Variants in ARHGAP31 observed in about 807,000 individuals in gnomAD.
ARHGAP31 encodes rho GTPase-activating protein 31.
ARHGAP31 carries 34 observed loss-of-function variants against 113.9 expected under a neutral mutation model. That is an observed-to-expected ratio of 0.30 (90% CI 0.23 to 0.40). The LOEUF is 0.40. Ranked by LOEUF, ARHGAP31 falls within the 10% of genes least tolerant of loss-of-function variation. The probability of loss-of-function intolerance (pLI) is 1.00; values close to 1 mark genes in which losing one functional copy is unlikely to be tolerated. For missense variants in ARHGAP31, 1,548 were observed against 1,767.1 expected (o/e 0.88, Z 2.22); for synonymous variants, 650 against 684.8 (o/e 0.95, Z 0.79).
chr3:119,356,513 C>T (rs1559977949), intron 1 of ARHGAP31, among the ~76,000 whole-genome samples: 1 of 152,072 alleles, frequency 6.6e-6, no homozygotes, highest in East Asian at 1.9e-4. Context: ...CACCTGTAAT[C>T]CCAGCTACTC....
intron 1 of ARHGAP31, among the ~76,000 whole-genome samples, chr3:119,325,956 T>A (rs1243976953): frequency 6.6e-6 from 1 of 152,166 alleles, no homozygotes; most frequent in Non-Finnish European, 1.5e-5. Context: ...TTTGGGAGGC[T>A]GAGGCGGGTG....
At chr3:119,390,752 C>A in intron 6 of ARHGAP31, 33 bp from the exon 7 acceptor site, 1 of 1,605,422 alleles carries the variant, frequency 6.2e-7, no homozygotes, top group African/African-American at 1.3e-5. Flanking sequence ...GGCAGGCCTC[C>A]TCCAACACTG....
chr3:119,343,764 G>C (rs370784140), intron 1 of ARHGAP31, among the ~76,000 whole-genome samples: 1 of 152,222 alleles, frequency 6.6e-6, no homozygotes, highest in Non-Finnish European at 1.5e-5. Context: ...GAGGCCAGGT[G>C]AGAAAACAGC....
intron 1 of ARHGAP31, among the ~76,000 whole-genome samples, chr3:119,353,374 A>G (rs2080128000): frequency 6.6e-6 from 1 of 152,218 alleles, no homozygotes; most frequent in Non-Finnish European, 1.5e-5. Flanking sequence ...CCCTTAGCAT[A>G]TTTTGTTTGA....
In ARHGAP31 at chr3:119,415,689, T is replaced by A; in HGVS notation, c.3760T>A (p.Ser1254Thr). 3.1e-6 allele frequency: 5 copies of A among 1,613,872 alleles called. No individual in the cohort carries two copies. The highest frequency in any genetic ancestry group is 3.4e-6 in the Non-Finnish European group (4 of 1,179,964). ...ACCTGCCAAAGATGATTCTCCCTCCTCCCTGGAAAGCTCAAAGGAAGAAAA... is the reference window on the plus strand; with the variant it reads ...ACCTGCCAAAGATGATTCTCCCTCCACCCTGGAAAGCTCAAAGGAAGAAAA... ...QKPAKDDSPS[S>T]LESSKEEKPK... Residue 1254 changes from serine to threonine, a missense_variant, in exon 12 of 12, where the codon TCC becomes ACC. Physicochemically the swap from Ser to Thr is moderately conservative, Grantham distance 58 (BLOSUM62 1). Coordinates refer to ENST00000264245, the MANE Select transcript of ARHGAP31 (RefSeq NM_020754.4).
At chr3:119,355,878 T>C (rs1489206040) in intron 1 of ARHGAP31, among the ~76,000 whole-genome samples, 1 of 152,176 alleles carries the variant, frequency 6.6e-6, no homozygotes, top group African/African-American at 2.4e-5. Flanking sequence ...CTTAATCCAG[T>C]CTATCACTGA....
At position 119,414,779 on chromosome 3, in the gene ARHGAP31, C is replaced by T. The variant is rs2080757189; in HGVS notation, c.2850C>T (p.Arg950=). 3 of 1,614,228 alleles carry T rather than the reference C, an allele frequency of 1.9e-6. No homozygotes were observed. The highest frequency in any genetic ancestry group is 4.5e-5 in the East Asian group (2 of 44,886). ...EKRLSHRPSL[R]QSHSLDSKPT... The stretch of plus-strand genomic sequence containing the variant: ...GGCTTTCCCACAGGCCCAGCCTTCG[C>T]CAGAGCCATTCTCTAGATAGCAAAC... The change falls in exon 12 of 12, where the codon CGC becomes CGT. Residue 950 remains arginine (R), a synonymous_variant. Transcript: ENST00000264245.
At chr3:119,358,752 A>AT (rs947203534) in intron 1 of ARHGAP31, among the ~76,000 whole-genome samples, 42 of 152,338 alleles carry the variant, frequency 2.8e-4, no homozygotes, top group African/African-American at 1.0e-3. Flanking sequence ...AAGGCCACAT[A>AT]TTTTAAGATC....
At position 119,414,074 on chromosome 3, in the gene ARHGAP31, G is replaced by A. The variant is rs2107646698; in HGVS notation, c.2145G>A (p.Leu715=). 1 of 1,614,154 alleles carries A rather than the reference G, an allele frequency of 6.2e-7. No individual in the cohort carries two copies. The highest frequency in any genetic ancestry group is 1.3e-5 in the African/African-American group (1 of 75,032). Residue 715 remains leucine (L), a synonymous_variant, in exon 12 of 12, where the codon CTG becomes CTA. Coordinates refer to ENST00000264245, the MANE Select transcript of ARHGAP31 (RefSeq NM_020754.4). ...GSFPAPVSTP[L]EVWTRDPANQ... ...TCCCTGCTCCAGTCTCCACCCCTCT[G>A]GAGGTGTGGACTAGGGATCCAGCCA...
intron 11 of ARHGAP31, among the ~76,000 whole-genome samples, chr3:119,413,303 C>T (rs1390936354): frequency 3.6e-5 from 5 of 138,130 alleles, no homozygotes; most frequent in Admixed American, 7.8e-5. Flanking sequence ...GATGATAACG[C>T]GAGACTCTGT....
rs578029332 is a variant in ARHGAP31, at chr3:119,413,173, C to A, written c.1927-683C>A. On this transcript the variant is annotated intron_variant, in intron 11 of 11. Coordinates refer to ENST00000264245, the MANE Select transcript of ARHGAP31 (RefSeq NM_020754.4). The stretch of plus-strand genomic sequence containing the variant: ...TCTACTAAAAATACAAAAAATTAGC[C>A]AGGTGTGGTGGTGTGCACCTGTAAT... Among the ~76,000 whole-genome samples the A allele has an allele frequency of 4.0e-5, 6 of 151,200 alleles. No homozygotes were observed. In the South Asian group the frequency reaches 1.3e-3, roughly 32 times the overall value.
At chr3:119,386,514 A>T (rs533647025) in intron 6 of ARHGAP31, among the ~76,000 whole-genome samples, 7 of 152,222 alleles carry the variant, frequency 4.6e-5, no homozygotes, top group African/African-American at 1.7e-4. Flanking sequence ...CCTCCTAAAG[A>T]CCTCACCTCT....
At chr3:119,296,065 C>T (rs902861389) in intron 1 of ARHGAP31, among the ~76,000 whole-genome samples, 12 of 152,154 alleles carry the variant, frequency 7.9e-5, no homozygotes, top group Non-Finnish European at 1.5e-4. Flanking sequence ...TGTAACCGTG[C>T]GGAATAATTC....
At chr3:119,370,845 T>A (rs2080291648) in intron 3 of ARHGAP31, among the ~76,000 whole-genome samples, 1 of 152,208 alleles carries the variant, frequency 6.6e-6, no homozygotes, top group South Asian at 2.1e-4. Context: ...ATTTTTTGTT[T>A]GTTTATATCC....
At chr3:119,327,740 A>T (rs933338615) in intron 1 of ARHGAP31, among the ~76,000 whole-genome samples, 9 of 152,210 alleles carry the variant, frequency 5.9e-5, no homozygotes, top group Admixed American at 1.3e-4. Context: ...GCAGGTCCAC[A>T]GGAGCAGAGA....
At chr3:119,306,988 A>T (rs1365184975) in intron 1 of ARHGAP31, among the ~76,000 whole-genome samples, 1 of 152,088 alleles carries the variant, frequency 6.6e-6, no homozygotes, top group Non-Finnish European at 1.5e-5. Flanking sequence ...TGGCTTTTTC[A>T]TAAATGCCCT....
intron 1 of ARHGAP31, among the ~76,000 whole-genome samples, chr3:119,300,488 C>T (rs1186118012): frequency 6.6e-6 from 1 of 152,154 alleles, no homozygotes. Context: ...AGTATACACT[C>T]AGGAACTAAA....
In ARHGAP31 at chr3:119,414,539, C is replaced by T. The variant is rs1475004656; in HGVS notation, c.2610C>T (p.Ile870=). 2 of 1,614,204 alleles carry T rather than the reference C, an allele frequency of 1.2e-6. No homozygotes were observed. Among genetic ancestry groups the T allele is most frequent in the Admixed American group, 1.7e-5 (1 of 60,026 alleles). Reference sequence around the variant, plus strand: ...CAAGCCCAACCAGGGAGGTTGAGATCGTCTCACAAGAAGAGGAGGATGTAA... The same window carrying T: ...CAAGCCCAACCAGGGAGGTTGAGATTGTCTCACAAGAAGAGGAGGATGTAA... ...GFPSPTREVE[I]VSQEEEDVTH... Residue 870 remains isoleucine (I), a synonymous_variant, in exon 12 of 12, where the codon ATC becomes ATT. Coordinates refer to ENST00000264245, the MANE Select transcript of ARHGAP31 (RefSeq NM_020754.4).
At chr3:119,332,704 A>AT (rs1361531739) in intron 1 of ARHGAP31, among the ~76,000 whole-genome samples, 10 of 147,716 alleles carry the variant, frequency 6.8e-5, no homozygotes, top group African/African-American at 2.3e-4. Context: ...TCAGACCTGT[A>AT]TTGGTACTCA....
Sources: allele counts gnomAD v4.1 joint callset (sites outside exome capture counted in the v4.1 genomes callset), GRCh38; gene constraint gnomAD v4.1.1; transcripts MANE v1.5; gene names NCBI Gene and HGNC (gene_info 2026-07-23, HGNC 2026-07-21).